The following MEGF6 variants were observed in gnomAD, a reference collection of about 807,000 sequenced individuals.
MEGF6 encodes the protein multiple epidermal growth factor-like domains protein 6.
A neutral mutation model predicts 207.1 loss-of-function variants in MEGF6; 184 were observed. That is an observed-to-expected ratio of 0.89 (90% CI 0.79 to 1.00). The LOEUF (loss-of-function observed/expected upper bound fraction) is 1.00, where lower values mean the gene tolerates loss of function less well. Ranked by LOEUF, MEGF6 falls within the 50% of genes least tolerant of loss-of-function variation. The probability of loss-of-function intolerance (pLI) is 0.00; values close to 1 mark genes in which losing one functional copy is unlikely to be tolerated. For synonymous variants in MEGF6, 1,038 were observed against 910.0 expected (o/e 1.14, Z -2.53); for missense variants, 2,282 against 2,202.9 (o/e 1.04, Z -0.72).
At position 3,524,323 on chromosome 1, in the gene MEGF6, G is replaced by A. The variant is rs375536870; in HGVS notation, c.482-77C>T. On this transcript the variant is annotated intron_variant, in intron 4 of 36. Transcript: ENST00000356575. ...TTGCCAACACAGCCCCCCAGGTGCC[G>A]GGGGCCCAGACCCAGGTCCCTCCCG... 1,423 of 1,555,480 alleles carry A rather than the reference G, an allele frequency of 9.1e-4. 12 individuals carry two copies. In the African/African-American group the frequency reaches 0.014, roughly 16 times the overall value.
intron 4 of MEGF6, among the ~76,000 whole-genome samples, chr1:3,537,606 C>T (rs1319018052): frequency 4.6e-5 from 7 of 152,246 alleles, no homozygotes; most frequent in South Asian, 2.1e-4. Flanking sequence ...CACTCTTCCC[C>T]GCTCCCACGG....
chr1:3,547,648 G>A (rs1049941919), intron 4 of MEGF6, among the ~76,000 whole-genome samples: 10 of 152,184 alleles, frequency 6.6e-5, no homozygotes, highest in African/African-American at 1.7e-4. Context: ...TGGGGATCAC[G>A]TGGCATCTGA....
chr1:3,533,262 G>C (rs551634671), intron 4 of MEGF6, among the ~76,000 whole-genome samples: 19 of 152,142 alleles, frequency 1.2e-4, no homozygotes, highest in African/African-American at 4.6e-4. Flanking sequence ...AGGCCAGCCC[G>C]CCCCCTTGGC....
chr1:3,576,495 G>A lies in MEGF6; in HGVS notation c.481+3330C>T, dbSNP rs537599484. Among the ~76,000 whole-genome samples, 47 of 152,250 alleles carry A rather than the reference G, an allele frequency of 3.1e-4. 1 individual carries two copies. Among genetic ancestry groups the A allele is most frequent in the Admixed American group, 2.4e-3 (36 of 15,308 alleles). On this transcript the variant is annotated intron_variant, in intron 4 of 36. Coordinates refer to ENST00000356575, the MANE Select transcript of MEGF6 (RefSeq NM_001409.4). ...AAAACTGGAATCAATTATAATTGGGGGGTTAGTGAAATATTCCCAACTGCG... is the reference window on the plus strand; with the variant it reads ...AAAACTGGAATCAATTATAATTGGGAGGTTAGTGAAATATTCCCAACTGCG...
chr1:3,491,320 G>A (rs1432953490), intron 35 of MEGF6, among the ~76,000 whole-genome samples: 1 of 152,116 alleles, frequency 6.6e-6, no homozygotes, highest in Non-Finnish European at 1.5e-5. Context: ...CCAGCTCAAT[G>A]TCAAGGCACT....
chr1:3,591,778 CGT>C lies in MEGF6; in HGVS notation c.376+3558_376+3559del, dbSNP rs1570216411. The stretch of plus-strand genomic sequence containing the variant: ...CTGTTGGGGGCTGCTACCAAGGTCT[CGT>C]AGCTCACAAGGGACCGGATGGGGGC... On this transcript the variant is annotated intron_variant, in intron 3 of 36. Coordinates refer to ENST00000356575, the MANE Select transcript of MEGF6 (RefSeq NM_001409.4). 3.6e-5 allele frequency among the ~76,000 whole-genome samples: 4 copies of C among 111,574 alleles called. No homozygotes were observed. The East Asian group carries it at 8.5e-4, about 24-fold the overall frequency. The allele number at this position is 111,574 out of a possible 152,430, so 73.2% of individuals were successfully genotyped here. A position where few individuals can be genotyped will look rare whatever the true frequency, so the allele number is the denominator to read the frequency against.
intron 36 of MEGF6, 61 bp downstream of exon 36, chr1:3,490,851 C>T (rs536726246): frequency 2.3e-5 from 36 of 1,537,726 alleles, no homozygotes; most frequent in Non-Finnish European, 2.8e-5. Flanking sequence ...AAGCACTCTT[C>T]GTTGACTTTG....
In MEGF6 at chr1:3,546,554, G is replaced by A. The variant is rs557451995; in HGVS notation, c.482-22308C>T. ...CACCGAGGCGGGGTGGCAGTGGGCT[G>A]GGAAGGGGGCTGCCAGGGAGGCCGC... On this transcript the variant is annotated intron_variant, in intron 4 of 36. Coordinates refer to ENST00000356575, the MANE Select transcript of MEGF6 (RefSeq NM_001409.4). Among the ~76,000 whole-genome samples the A allele has an allele frequency of 1.6e-3, 244 of 151,710 alleles. 1 individual carries two copies. The highest frequency in any genetic ancestry group is 5.4e-3 in the African/African-American group (221 of 41,220).
intron 4 of MEGF6, among the ~76,000 whole-genome samples, chr1:3,562,011 G>GGT (rs1643216299): frequency 6.6e-6 from 1 of 152,216 alleles, no homozygotes; most frequent in African/African-American, 2.4e-5. Flanking sequence ...ATTCTTTGGC[G>GGT]GTGCTGGTGG....
chr1:3,511,052 C>T lies in MEGF6; in HGVS notation c.1115-150G>A, dbSNP rs1396686038. 5 of 1,153,296 alleles carry T rather than the reference C, an allele frequency of 4.3e-6. No homozygotes were observed. In the Middle Eastern group the frequency reaches 1.0e-3, roughly 234 times the overall value. The allele number at this position is 1,153,296 out of a possible 1,614,324, so 71.4% of individuals were successfully genotyped here. ...AGCCTCACGTGTGCACACCGACATT[C>T]ATGGCACCTGCAGACAATCGCACCC... On this transcript the variant is annotated intron_variant, in intron 9 of 36. Transcript: ENST00000356575.
Position 3,528,430 on chromosome 1 carries a change from G to A in MEGF6, c.482-4184C>T, listed in dbSNP as rs58486343. On this transcript the variant is annotated intron_variant, in intron 4 of 36. Coordinates refer to ENST00000356575, the MANE Select transcript of MEGF6 (RefSeq NM_001409.4). ...TGATCTGAAGAGCCGTAGGCGCAGTGGCCTTTCAGGACAATGTGGTCAGCT... is the reference window on the plus strand; with the variant it reads ...TGATCTGAAGAGCCGTAGGCGCAGTAGCCTTTCAGGACAATGTGGTCAGCT... 1.8e-3 allele frequency among the ~76,000 whole-genome samples: 268 copies of A among 152,306 alleles called. 4 individuals carry two copies. The East Asian group carries it at 0.041, about 23-fold the overall frequency.
chr1:3,566,661 C>T (rs1643351396), intron 4 of MEGF6, among the ~76,000 whole-genome samples: 1 of 152,134 alleles, frequency 6.6e-6, no homozygotes, highest in Non-Finnish European at 1.5e-5. Context: ...ACGCTATGAG[C>T]CCCCCGGCGC....
chr1:3,525,850 C>T (rs989171406), intron 4 of MEGF6, among the ~76,000 whole-genome samples: 2 of 152,228 alleles, frequency 1.3e-5, no homozygotes, highest in Non-Finnish European at 2.9e-5. Context: ...TCTCATGCCA[C>T]CCTCCAGGCC....
rs1641050878 is a variant in MEGF6, at chr1:3,505,072, A to C, written c.2188+136T>G. 8.1e-6 allele frequency: 8 copies of C among 992,938 alleles called. No individual in the cohort carries two copies. In the Admixed American group the frequency reaches 1.1e-4, roughly 14 times the overall value. The allele number at this position is 992,938 out of a possible 1,614,324, so 61.5% of individuals were successfully genotyped here. ...CCGGTAGCAAGGCAACACCGGTAGC[A>C]AGGCACCACCTGGGCTTAGGCAAAG... On this transcript the variant is annotated intron_variant, in intron 17 of 36. Coordinates refer to ENST00000356575, the MANE Select transcript of MEGF6 (RefSeq NM_001409.4).
upstream of MEGF6, among the ~76,000 whole-genome samples, chr1:3,613,749 A>G (rs1014528679): frequency 2.0e-5 from 3 of 152,122 alleles, no homozygotes; most frequent in Non-Finnish European, 4.4e-5. Context: ...TTACAAAAAT[A>G]CTCGGCCTCG....
chr1:3,585,312 CTG>C (rs1212655170), intron 3 of MEGF6, among the ~76,000 whole-genome samples: 1 of 142,372 alleles, frequency 7.0e-6, no homozygotes, highest in Non-Finnish European at 1.5e-5. Context: ...GACGCATGTC[CTG>C]TGTGTGGGAA....
Position 3,560,245 on chromosome 1 carries a change from G to A in MEGF6, c.481+19580C>T, listed in dbSNP as rs1304617908. Among the ~76,000 whole-genome samples, 1 of 151,976 alleles carries A rather than the reference G, an allele frequency of 6.6e-6. No homozygotes were observed. The highest frequency in any genetic ancestry group is 1.5e-5 in the Non-Finnish European group (1 of 68,008). ...CTTCTCCCAACACACATAATTTCCT[G>A]TATCATTCAATCCTCCATTGGAATG... On this transcript the variant is annotated intron_variant, in intron 4 of 36. Coordinates refer to ENST00000356575, the MANE Select transcript of MEGF6 (RefSeq NM_001409.4). This position sits in a 1 kb window ranked among gnomAD's most constrained non-coding sequence, Gnocchi z 4.0.
chr1:3,604,914 C>A (rs72855431), intron 1 of MEGF6, among the ~76,000 whole-genome samples: 3,830 of 152,138 alleles, frequency 0.025, 156 homozygotes, highest in African/African-American at 0.086. Context: ...TGGGTCCTGA[C>A]CTCATTCCTG....
intron 4 of MEGF6, among the ~76,000 whole-genome samples, chr1:3,529,874 T>C (rs1031361144): frequency 6.6e-6 from 1 of 152,254 alleles, no homozygotes; most frequent in Non-Finnish European, 1.5e-5. Flanking sequence ...TGGAGGGCTC[T>C]GGGCCCCTGC....
Sources: gnomAD v4.1 joint callset for allele counts (sites outside exome capture counted in the v4.1 genomes callset) on GRCh38, gnomAD v4.1.1 for gene constraint, Gnocchi (gnomAD v3.1) non-coding constraint, MANE v1.5 for transcripts, NCBI Gene and HGNC (gene_info 2026-07-23, HGNC 2026-07-21) for gene names.